The following SLC25A46 variants were observed in gnomAD, a reference collection of about 807,000 sequenced individuals.
The protein encoded by SLC25A46 is mitochondrial outer membrane protein SLC25A46.
A neutral mutation model predicts 44.6 loss-of-function variants in SLC25A46; 39 were observed. The observed-to-expected ratio is 0.87, with a 90% CI of 0.68 to 1.14. The LOEUF (loss-of-function observed/expected upper bound fraction) is 1.14. Among genes scored for constraint, SLC25A46 ranks in the 50% most tolerant of loss-of-function variants. The pLI is 0.00. For missense variants in SLC25A46, 547 were observed against 522.7 expected (o/e 1.05, Z -0.45); for synonymous variants, 202 against 185.8 (o/e 1.09, Z -0.71).
intron 5 of SLC25A46, 102 bp downstream of exon 5, chr5:110,748,365 T>C (rs1359457374): frequency 3.5e-6 from 3 of 860,260 alleles, no homozygotes; most frequent in African/African-American, 1.7e-5. Context: ...TATTGTGTGA[T>C]GCTAAAGTTT....
intron 2 of SLC25A46, among the ~76,000 whole-genome samples, chr5:110,743,455 A>C (rs1271720774): frequency 2.0e-5 from 3 of 152,058 alleles, no homozygotes; most frequent in Admixed American, 2.0e-4. Flanking sequence ...GTTTCATCTT[A>C]TACTATAGAC....
At chr5:110,756,051 CATT>C (rs1203788977) in intron 6 of SLC25A46, 2 of 152,180 alleles carry the variant, frequency 1.3e-5, no homozygotes, top group Non-Finnish European at 2.9e-5. Flanking sequence ...CATTCCAGCA[CATT>C]ATTACTTAGT....
In SLC25A46 at chr5:110,761,725, A is replaced by G. The variant is rs2150419453; in HGVS notation, c.1200A>G (p.Ala400=). 6 of 1,613,090 alleles carry G rather than the reference A, an allele frequency of 3.7e-6. No homozygotes were observed. The highest frequency in any genetic ancestry group is 5.1e-6 in the Non-Finnish European group (6 of 1,179,506). The part of the protein sequence containing the change: ...GAVIIQYTLH[A]AVLQITKIIY... ...TTATAATACAGTACACACTGCATGC[A>G]GCTGTTTTACAGATTACCAAAATTA... Residue 400 remains alanine, a synonymous_variant, in exon 8 of 8, where the codon GCA becomes GCG. Coordinates refer to ENST00000355943, the MANE Select transcript of SLC25A46 (RefSeq NM_138773.4). The surrounding 1 kb of genome is among the most constrained non-coding windows in gnomAD (Gnocchi z 5.3).
rs1452187040 is a variant in SLC25A46 at position 110,739,070 on chromosome 5, C to A, written c.-50C>A. 1 of 1,530,490 alleles carries A rather than the reference C, an allele frequency of 6.5e-7. No individual in the cohort carries two copies. The highest frequency in any genetic ancestry group is 2.1e-5 in the Admixed American group (1 of 48,314). The allele number at this position is 1,530,490 out of a possible 1,614,324, so 94.8% of individuals were successfully genotyped here. Reference sequence around the variant, plus strand: ...TGTGTGTGCTTAGGTCGTGGTGGCCCCGGTGGTGGTGGGCTCCGGGCGGGC... The same window carrying A: ...TGTGTGTGCTTAGGTCGTGGTGGCCACGGTGGTGGTGGGCTCCGGGCGGGC... On this transcript the variant is annotated 5_prime_UTR_variant, in exon 1 of 8. Coordinates refer to ENST00000355943, the MANE Select transcript of SLC25A46 (RefSeq NM_138773.4).
Position 110,756,725 on chromosome 5 carries a change from CT to C in SLC25A46, c.649del (p.Tyr217IlefsTer5). ...AGCCTAACTTACGTGGTGGCAATGCCTTTTTATTCAGCAAGTCTGATTGAAA... is the reference window on the plus strand; with the variant it reads ...AGCCTAACTTACGTGGTGGCAATGCCTTTTATTCAGCAAGTCTGATTGAAA... ...LKSLTYVVAM[P>X]FYSASLIETV... is the part of the protein sequence containing the mutation. On this transcript the variant is annotated frameshift_variant, in exon 7 of 8. Coordinates refer to ENST00000355943, the MANE Select transcript of SLC25A46 (RefSeq NM_138773.4). LOFTEE classifies it high-confidence loss of function. 1.3e-6 allele frequency: 2 copies of C among 1,570,334 alleles called. No individual in the cohort carries two copies. Among genetic ancestry groups the C allele is most frequent in the Admixed American group, 2.0e-5 (1 of 49,792 alleles).
chr5:110,752,293 G>T (rs1464218297), intron 5 of SLC25A46, among the ~76,000 whole-genome samples: 1 of 152,146 alleles, frequency 6.6e-6, no homozygotes, highest in African/African-American at 2.4e-5. Flanking sequence ...GGATCGTCAT[G>T]TGTGATCTCT....
chr5:110,740,927 G>A (rs1799671765), intron 1 of SLC25A46, among the ~76,000 whole-genome samples: 1 of 152,236 alleles, frequency 6.6e-6, no homozygotes, highest in South Asian at 2.1e-4. Context: ...ACTCCAGCCT[G>A]GGCGACAGAG....
At chr5:110,751,228 T>C (rs1015945343) in intron 5 of SLC25A46, among the ~76,000 whole-genome samples, 3 of 152,176 alleles carry the variant, frequency 2.0e-5, no homozygotes, top group Non-Finnish European at 4.4e-5. Flanking sequence ...GCCAGGAAGC[T>C]CAGAATCTAA....
chr5:110,759,031 A>G (rs896450319), intron 7 of SLC25A46, among the ~76,000 whole-genome samples: 4 of 152,194 alleles, frequency 2.6e-5, no homozygotes, highest in African/African-American at 9.6e-5. Context: ...AACTTTTAAA[A>G]AAAATGTATC....
intron 1 of SLC25A46, 118 bp downstream of exon 1, chr5:110,739,520 G>T (rs1799566736): frequency 7.3e-7 from 1 of 1,369,278 alleles, no homozygotes; most frequent in Non-Finnish European, 9.6e-7. Flanking sequence ...ATCCTATCGC[G>T]CGCCACACCC....
intron 1 of SLC25A46, among the ~76,000 whole-genome samples, chr5:110,740,673 C>T (rs188551263): frequency 1.3e-5 from 2 of 152,202 alleles, no homozygotes; most frequent in South Asian, 2.1e-4. Context: ...TGGGTAAGGC[C>T]GGGCGTGGTG....
chr5:110,758,922 A>T (rs1800179341), intron 7 of SLC25A46, among the ~76,000 whole-genome samples: 1 of 152,182 alleles, frequency 6.6e-6, no homozygotes, highest in African/African-American at 2.4e-5. Context: ...ATTGACTCAT[A>T]TTCCCTAAAA....
chr5:110,748,707 A>T (rs1799881727), intron 5 of SLC25A46, among the ~76,000 whole-genome samples: 1 of 152,160 alleles, frequency 6.6e-6, no homozygotes, highest in East Asian at 1.9e-4. Flanking sequence ...CTCTTTAAGT[A>T]TTCATTTAAT....
chr5:110,763,625 A>G lies in SLC25A46; in HGVS notation c.*1843A>G, dbSNP rs1313253443. Reference sequence around the variant, plus strand: ...CTAGAAAAGAATCTGAATAGAATCAAGTATTTACTAGTGAAAATCTGTAGG... The same window carrying G: ...CTAGAAAAGAATCTGAATAGAATCAGGTATTTACTAGTGAAAATCTGTAGG... On this transcript the variant is annotated 3_prime_UTR_variant, in exon 8 of 8. Coordinates refer to ENST00000355943, the MANE Select transcript of SLC25A46 (RefSeq NM_138773.4). 1 of 151,920 alleles carries G rather than the reference A, an allele frequency of 6.6e-6. No homozygotes were observed. Among genetic ancestry groups the G allele is most frequent in the Non-Finnish European group, 1.5e-5 (1 of 67,866 alleles). The allele number at this position is 151,920 out of a possible 1,614,324, so 9.4% of individuals were successfully genotyped here.
rs758140632 is a variant in SLC25A46 at position 110,739,315 on chromosome 5, G to A, written c.196G>A (p.Val66Met). The stretch of plus-strand genomic sequence containing the variant: ...GGGCGAGAAGAGCCCGCCCTACGGC[G>A]TGCCCACCACCTCCACCCCGTACGA... ...HWGEKSPPYG[V>M]PTTSTPYEGP... Residue 66 changes from valine to methionine, a missense_variant, in exon 1 of 8, where the codon GTG becomes ATG. Coordinates refer to ENST00000355943, the MANE Select transcript of SLC25A46 (RefSeq NM_138773.4). The A allele has an allele frequency of 3.2e-6, 5 of 1,569,126 alleles. No individual in the cohort carries two copies. In the South Asian group the frequency reaches 3.5e-5, roughly 11 times the overall value.
intron 1 of SLC25A46, among the ~76,000 whole-genome samples, chr5:110,740,259 A>G (rs1799622683): frequency 6.6e-6 from 1 of 151,820 alleles, no homozygotes; most frequent in Non-Finnish European, 1.5e-5. Flanking sequence ...GATTAATGGT[A>G]TTAATATTAA....
chr5:110,753,486 T>C (rs1306048007), intron 5 of SLC25A46: 5 of 152,010 alleles, frequency 3.3e-5, no homozygotes, highest in African/African-American at 1.2e-4. Context: ...GAATAAATTT[T>C]ATTAATTTTT....
chr5:110,740,655 A>C (rs907857656), intron 1 of SLC25A46, among the ~76,000 whole-genome samples: 3 of 152,196 alleles, frequency 2.0e-5, no homozygotes, highest in African/African-American at 7.2e-5. Context: ...TGATCTATAC[A>C]TACAAAATGG....
At chr5:110,750,060 C>A (rs1363305077) in intron 5 of SLC25A46, among the ~76,000 whole-genome samples, 2 of 151,940 alleles carry the variant, frequency 1.3e-5, no homozygotes, top group Non-Finnish European at 2.9e-5. Flanking sequence ...AACGCATATG[C>A]CCAATGTTGG....
Sources: allele counts gnomAD v4.1 joint callset (sites outside exome capture counted in the v4.1 genomes callset), GRCh38; gene constraint gnomAD v4.1.1; non-coding constraint Gnocchi (gnomAD v3.1); transcripts MANE v1.5; gene names NCBI Gene and HGNC (gene_info 2026-07-23, HGNC 2026-07-21).